The following DCLK2 variants were observed in gnomAD, a reference collection of about 807,000 sequenced individuals.
DCLK2 encodes the protein doublecortin like kinase 2, also known as serine/threonine-protein kinase DCLK2.
Under a neutral mutation model 78.4 loss-of-function variants are expected in DCLK2, and 31 were observed. The ratio of observed to expected loss-of-function variants is 0.40; its 90% confidence interval spans 0.30 to 0.53. The LOEUF (loss-of-function observed/expected upper bound fraction) is 0.53. Among genes scored for constraint, DCLK2 ranks in the 20% least tolerant of loss-of-function variants. The pLI is 0.61. For missense variants in DCLK2, 872 were observed against 973.7 expected, an observed-to-expected ratio of 0.90 and a Z score of 1.39; for synonymous variants, 407 against 374.9, an observed-to-expected ratio of 1.09 and a Z score of -0.99.
At chr4:150,151,547 A>G (rs1349535278) in intron 2 of DCLK2, among the ~76,000 whole-genome samples, 1 of 152,228 alleles carries the variant, frequency 6.6e-6, no homozygotes, top group East Asian at 1.9e-4. Flanking sequence ...TTATTCCACA[A>G]GAAGCTTGAA....
chr4:150,120,112 A>G (rs1732411234), intron 2 of DCLK2, among the ~76,000 whole-genome samples: 1 of 152,218 alleles, frequency 6.6e-6, no homozygotes, highest in Admixed American at 6.5e-5. Flanking sequence ...AGGGTCATTT[A>G]TTCATCATGC....
chr4:150,203,948 T>G (rs1481603878), intron 5 of DCLK2, 59 bp downstream of exon 5: 2 of 1,511,224 alleles, frequency 1.3e-6, no homozygotes, highest in Admixed American at 1.7e-5. Context: ...TTTCATAGTT[T>G]AGCAGTTTAA....
In DCLK2 at chr4:150,192,470, T is replaced by C. The variant is rs574874036; in HGVS notation, c.757-668T>C. Among the ~76,000 whole-genome samples the C allele has an allele frequency of 3.9e-3, 400 of 103,356 alleles. 2 individuals carry two copies. Among genetic ancestry groups the C allele is most frequent in the Non-Finnish European group, 6.1e-3 (316 of 51,842 alleles). The allele number at this position is 103,356 out of a possible 152,430, so 67.8% of individuals were successfully genotyped here. On this transcript the variant is annotated intron_variant, in intron 2 of 15. Coordinates refer to ENST00000296550, the MANE Select transcript of DCLK2 (RefSeq NM_001040260.4). The stretch of plus-strand genomic sequence containing the variant: ...ACTCCAGCCTGGTGACAGAGCAAGA[T>C]TGCGTCTCAAAAAAAAAAAAAAAAA...
In DCLK2 at chr4:150,224,542, C is replaced by T; in HGVS notation, c.1283C>T (p.Ala428Val). The change falls in exon 8 of 16, where the codon GCC becomes GTC. Residue 428 changes from alanine (A) to valine (V), a missense_variant. Physicochemically the swap from Ala to Val is moderately conservative, Grantham distance 64 (BLOSUM62 0). Coordinates refer to ENST00000296550, the MANE Select transcript of DCLK2 (RefSeq NM_001040260.4). ...KEFALKIIDK[A>V]KCCGKEHLIE... ...TTTGCCCTAAAGATTATAGACAAAG[C>T]CAAATGTTGTGGAAAGGTATAGTAT... is the stretch of plus-strand genomic sequence containing the variant. 6.2e-7 allele frequency: 1 copy of T among 1,612,280 alleles called. No homozygotes were observed. The highest frequency in any genetic ancestry group is 8.5e-7 in the Non-Finnish European group (1 of 1,179,326).
chr4:150,217,332 T>TG (rs1224613060), intron 5 of DCLK2, among the ~76,000 whole-genome samples: 2 of 152,250 alleles, frequency 1.3e-5, no homozygotes, highest in African/African-American at 4.8e-5. Context: ...GCTTCACAGT[T>TG]GCCAGTGATC....
At chr4:150,254,211 G>C (rs1371006713) in intron 15 of DCLK2, among the ~76,000 whole-genome samples, 2 of 152,240 alleles carry the variant, frequency 1.3e-5, no homozygotes, top group African/African-American at 4.8e-5. Flanking sequence ...GCAGACTTGA[G>C]AAGGGACGGA....
intron 2 of DCLK2, among the ~76,000 whole-genome samples, chr4:150,134,853 A>ATTT (rs1733580683): frequency 6.6e-6 from 1 of 151,806 alleles, no homozygotes; most frequent in African/African-American, 2.4e-5. Flanking sequence ...TGTTTTTTTG[A>ATTT]GACTGATGTG....
At chr4:150,118,996 G>C (rs1403589502) in intron 2 of DCLK2, among the ~76,000 whole-genome samples, 1 of 151,722 alleles carries the variant, frequency 6.6e-6, no homozygotes, top group South Asian at 2.1e-4. Flanking sequence ...CTGCACTCCA[G>C]CCTCGACAAC....
intron 2 of DCLK2, among the ~76,000 whole-genome samples, chr4:150,145,898 A>T (rs755271434): frequency 6.6e-6 from 1 of 152,090 alleles, no homozygotes; most frequent in Non-Finnish European, 1.5e-5. Context: ...CTTTTTATAA[A>T]AAGAGAATAT....
At chr4:150,244,983 A>G (rs1395320332) in intron 12 of DCLK2, among the ~76,000 whole-genome samples, 1 of 151,022 alleles carries the variant, frequency 6.6e-6, no homozygotes, top group Non-Finnish European at 1.5e-5. Flanking sequence ...AATAAGGGGG[A>G]GTTGAGTGGA....
At chr4:150,251,788 C>T (rs1744172655) in intron 15 of DCLK2, among the ~76,000 whole-genome samples, 1 of 143,134 alleles carries the variant, frequency 7.0e-6, no homozygotes, top group African/African-American at 2.6e-5. Flanking sequence ...GAGCATGCAG[C>T]ACTCTGTTAT....
intron 5 of DCLK2, among the ~76,000 whole-genome samples, chr4:150,213,088 T>A (rs1447276151): frequency 6.6e-6 from 1 of 152,200 alleles, no homozygotes; most frequent in Non-Finnish European, 1.5e-5. Context: ...AGCCAACACC[T>A]TACTCGAAAG....
chr4:150,125,329 C>A (rs535770674), intron 2 of DCLK2, among the ~76,000 whole-genome samples: 2 of 152,024 alleles, frequency 1.3e-5, no homozygotes, highest in Non-Finnish European at 2.9e-5. Flanking sequence ...TTCCTATTTT[C>A]CAGAATATGT....
chr4:150,246,119 A>C (rs1489911391), intron 12 of DCLK2, among the ~76,000 whole-genome samples: 9 of 150,502 alleles, frequency 6.0e-5, no homozygotes, highest in Non-Finnish European at 1.3e-4. Context: ...ATCTCAGCTC[A>C]CTGCAACCTC....
chr4:150,079,598 T>A, intron 1 of DCLK2, 150 bp downstream of exon 1: 1 of 771,200 alleles, frequency 1.3e-6, no homozygotes, highest in Non-Finnish European at 2.0e-6. Context: ...TGGCTGGGGG[T>A]GGGGGCCGGT....
chr4:150,254,329 C>A lies in DCLK2; in HGVS notation c.2074-1691C>A. ...ATTTAAGATAGACAAAACTGTTTCA[C>A]TCGTGTTGCTTCTGTTGAAAGTAAG... On this transcript the variant is annotated intron_variant, in intron 15 of 15. Coordinates refer to ENST00000296550, the MANE Select transcript of DCLK2 (RefSeq NM_001040260.4). The A allele has an allele frequency of 7.5e-6, 3 of 398,528 alleles. No individual in the cohort carries two copies. The East Asian group carries it at 1.1e-4, about 14-fold the overall frequency. 24.7% of individuals were successfully genotyped at this position (398,528 alleles called of 1,614,324 possible). A position where few individuals can be genotyped will look rare whatever the true frequency, so the allele number is the denominator to read the frequency against.
chr4:150,091,082 C>G (rs1730025576), intron 1 of DCLK2, among the ~76,000 whole-genome samples: 1 of 152,130 alleles, frequency 6.6e-6, no homozygotes, highest in South Asian at 2.1e-4. Context: ...AAGTTGTTTG[C>G]CATGACGGAA....
chr4:150,244,788 A>G lies in DCLK2; in HGVS notation c.1779-2815A>G, dbSNP rs551290905. Among the ~76,000 whole-genome samples the G allele has an allele frequency of 3.3e-5, 5 of 152,350 alleles. No individual in the cohort carries two copies. In the East Asian group the frequency reaches 7.7e-4, roughly 24 times the overall value. On this transcript the variant is annotated intron_variant, in intron 12 of 15. Coordinates refer to ENST00000296550, the MANE Select transcript of DCLK2 (RefSeq NM_001040260.4). The stretch of plus-strand genomic sequence containing the variant: ...AAAGCTCTTGCAACTTACAGTGGAT[A>G]CTTCAGGGTCCCATTCTCATTGCTG...
At chr4:150,110,204 C>CTTG (rs1215461371) in intron 2 of DCLK2, among the ~76,000 whole-genome samples, 2 of 152,160 alleles carry the variant, frequency 1.3e-5, no homozygotes, top group African/African-American at 4.8e-5. Context: ...TGCAAACTCT[C>CTTG]TTGTTTCCTC....
Sources: allele counts gnomAD v4.1 joint callset (sites outside exome capture counted in the v4.1 genomes callset), GRCh38; gene constraint gnomAD v4.1.1; transcripts MANE v1.5; gene names NCBI Gene and HGNC (gene_info 2026-07-23, HGNC 2026-07-21).